MYH3: variants seen among roughly 807,000 people sequenced by gnomAD.
The protein encoded by MYH3 is myosin heavy chain 3, also known as myosin-3.
A neutral mutation model predicts 238.0 loss-of-function variants in MYH3; 130 were observed. That is an observed-to-expected ratio of 0.55 (90% CI 0.47 to 0.63). The LOEUF (loss-of-function observed/expected upper bound fraction) is 0.63, where lower values mean the gene tolerates loss of function less well. Among genes scored for constraint, MYH3 ranks in the 30% least tolerant of loss-of-function variants. The pLI, the probability that MYH3 is intolerant of heterozygous loss-of-function variation, is 0.00. For missense variants in MYH3, 1,853 were observed against 2,374.9 expected (o/e 0.78, Z 4.57); for synonymous variants, 880 against 924.1 (o/e 0.95, Z 0.86).
At chr17:10,666,151 G>C in the MYH3 span, among the ~76,000 whole-genome samples, 2 of 152,094 alleles carry the variant, frequency 1.3e-5, no homozygotes, top group Non-Finnish European at 2.9e-5. Flanking sequence ...CACTAAACTA[G>C]ATCATGGTAG....
intron 7 of MYH3, 28 bp from the exon 8 acceptor site, chr17:10,648,677 G>A (rs2074346143): frequency 1.3e-6 from 2 of 1,542,852 alleles, no homozygotes; most frequent in Middle Eastern, 1.7e-4. Context: ...GGGAAGAAGA[G>A]GAAACATTTT....
At chr17:10,648,434 C>T (rs2074344228) in intron 8 of MYH3, 123 bp downstream of exon 8, 1 of 843,420 alleles carries the variant, frequency 1.2e-6, no homozygotes, top group East Asian at 2.5e-5. Context: ...CTGAAATGGT[C>T]TTGTTGGGTT....
intron 19 of MYH3, 66 bp downstream of exon 19, chr17:10,641,019 C>T: frequency 8.0e-7 from 1 of 1,250,142 alleles, no homozygotes; most frequent in Non-Finnish European, 1.2e-6. Context: ...ACGAATCTTT[C>T]TCCCTCTCAA....
the MYH3 span, chr17:10,673,107 G>A: frequency 0.43 from 64,671 of 151,086 alleles, 14,017 homozygotes; most frequent in Middle Eastern, 0.43. Context: ...GGGTTCAAGC[G>A]ATTCTCCTGC....
At position 10,632,007 on chromosome 17, in the gene MYH3, G is replaced by A; in HGVS notation, c.4966C>T (p.Leu1656Phe). 6.2e-7 allele frequency: 1 copy of A among 1,613,464 alleles called. No homozygotes were observed. ...SVQGQLKDTQLHLDDALRGQE... is the reference protein window; with the variant it reads ...SVQGQLKDTQFHLDDALRGQE... The stretch of plus-strand genomic sequence containing the variant: ...CCCCGGAGGGCATCATCCAGGTGGA[G>A]CTGCGTATCCTAGCCAGAGAAAAAC... The change falls in exon 35 of 41, where the codon CTC becomes TTC. Residue 1656 changes from leucine (L) to phenylalanine (F), a missense_variant. Around this residue, in one of 3 missense-constraint regions of MYH3, gnomAD observed 1,044 missense variants for 1,192.6 expected, o/e 0.88. Coordinates refer to ENST00000583535, the MANE Select transcript of MYH3 (RefSeq NM_002470.4).
At position 10,628,613 on chromosome 17, in the gene MYH3, A is replaced by C; in HGVS notation, c.*40T>G. 2 of 1,602,710 alleles carry C rather than the reference A, an allele frequency of 1.2e-6. No individual in the cohort carries two copies. Among genetic ancestry groups the C allele is most frequent in the Non-Finnish European group, 1.7e-6 (2 of 1,169,540 alleles). ...CAATGGTCAGGAATCAAGAAAATAT[A>C]CATTTTGCATATCTTCTGTCCTGCT... On this transcript the variant is annotated 3_prime_UTR_variant, in exon 41 of 41. Coordinates refer to ENST00000583535, the MANE Select transcript of MYH3 (RefSeq NM_002470.4).
intron 19 of MYH3, 38 bp from the exon 20 acceptor site, chr17:10,640,724 C>T: frequency 6.2e-7 from 1 of 1,608,396 alleles, no homozygotes; most frequent in Middle Eastern, 1.8e-4. Flanking sequence ...AGACTGTTGG[C>T]AAAGACACAA....
chr17:10,667,672 ACT>A, the MYH3 span, among the ~76,000 whole-genome samples: 2 of 137,598 alleles, frequency 1.5e-5, no homozygotes, highest in Non-Finnish European at 3.0e-5. Flanking sequence ...ACAGAGCAAG[ACT>A]CTGTCTAAAA....
intron 8 of MYH3, among the ~76,000 whole-genome samples, 191 bp downstream of exon 8, chr17:10,648,366 C>T (rs1479663940): frequency 6.6e-6 from 1 of 152,202 alleles, no homozygotes; most frequent in East Asian, 1.9e-4. Context: ...GCAAGCCTGG[C>T]CCCCAGTTCC....
upstream of MYH3, among the ~76,000 whole-genome samples, chr17:10,659,250 T>C (rs867775506): frequency 1.3e-4 from 20 of 152,230 alleles, no homozygotes; most frequent in African/African-American, 3.6e-4. Flanking sequence ...ACATTTCTTT[T>C]AGTTCCCTTA....
At chr17:10,656,537 CAAAAAA>C (rs71139057) in intron 1 of MYH3, among the ~76,000 whole-genome samples, 15 of 55,894 alleles carry the variant, frequency 2.7e-4, no homozygotes, top group South Asian at 5.1e-4. Flanking sequence ...AATTCTGTCT[CAAAAAA>C]AAAAAAAAAA....
intron 14 of MYH3, 113 bp downstream of exon 14, chr17:10,644,238 G>T: frequency 8.8e-7 from 1 of 1,141,958 alleles, no homozygotes; most frequent in Non-Finnish European, 1.3e-6. Flanking sequence ...TCTCCATCTA[G>T]TTTCTTACAG....
chr17:10,659,819 G>T (rs185098925), upstream of MYH3, among the ~76,000 whole-genome samples: 1 of 152,198 alleles, frequency 6.6e-6, no homozygotes, highest in Non-Finnish European at 1.5e-5. Context: ...TGCTGGAAGC[G>T]GTGAGAAGAG....
intron 36 of MYH3, among the ~76,000 whole-genome samples, chr17:10,630,741 C>T (rs2074148206): frequency 6.6e-6 from 1 of 152,106 alleles, no homozygotes; most frequent in Non-Finnish European, 1.5e-5. Flanking sequence ...TTCCCAGCTA[C>T]TCCGGAGGCT....
chr17:10,644,606 G>A lies in MYH3; in HGVS notation c.1238C>T (p.Thr413Ile). Reference sequence around the variant, plus strand: ...TACCTGATCCACAGTTTGACCTTTGGTAACGTACTCATTCCCAACTTTCAC... The same window carrying A: ...TACCTGATCCACAGTTTGACCTTTGATAACGTACTCATTCCCAACTTTCAC... The part of the protein sequence containing the change: ...PRVKVGNEYV[T>I]KGQTVDQVHH... The change falls in exon 13 of 41, where the codon ACC becomes ATC. Residue 413 changes from threonine to isoleucine, a missense_variant. Thr to Ile is a moderately conservative substitution (Grantham distance 89). This residue lies in a region of MYH3 where 678 missense variants were observed against 1,058.9 expected (regional missense o/e 0.64). Transcript: ENST00000583535. The A allele has an allele frequency of 6.2e-7, 1 of 1,614,152 alleles. No homozygotes were observed. Among genetic ancestry groups the A allele is most frequent in the Non-Finnish European group, 8.5e-7 (1 of 1,179,994 alleles).
At position 10,655,374 on chromosome 17, in the gene MYH3, C is replaced by A. The variant is rs1404041523; in HGVS notation, c.-8-302G>T. 5.3e-5 allele frequency among the ~76,000 whole-genome samples: 8 copies of A among 152,196 alleles called. No individual in the cohort carries two copies. In the East Asian group the frequency reaches 1.5e-3, roughly 29 times the overall value. Reference sequence around the variant, plus strand: ...GCGATAAGGGGTTTGGAAGTGAGCACCACTCTTGGGACCGCCTTTTCCGCT... The same window carrying A: ...GCGATAAGGGGTTTGGAAGTGAGCAACACTCTTGGGACCGCCTTTTCCGCT... On this transcript the variant is annotated intron_variant, in intron 2 of 40. Coordinates refer to ENST00000583535, the MANE Select transcript of MYH3 (RefSeq NM_002470.4).
chr17:10,637,607 T>G, intron 28 of MYH3, among the ~76,000 whole-genome samples: 1 of 152,188 alleles, frequency 6.6e-6, no homozygotes, highest in East Asian at 1.9e-4. Flanking sequence ...CTTTCTCTCT[T>G]ATTCTTACTG....
intron 34 of MYH3, 146 bp downstream of exon 34, chr17:10,632,330 G>A: frequency 2.1e-6 from 2 of 968,978 alleles, no homozygotes; most frequent in Non-Finnish European, 3.2e-6. Context: ...TATTGCCCAG[G>A]CTGGTATCAA....
rs140144159 is a variant in MYH3 at position 10,642,424 on chromosome 17, C to T, written c.1881G>A (p.Thr627=). 131 of 1,614,148 alleles carry T rather than the reference C, an allele frequency of 8.1e-5. 1 individual carries two copies. The African/African-American group carries it at 1.0e-3, about 12-fold the overall frequency. The part of the protein sequence containing the change: ...LLAHLYATFA[T]ADADSGKKKV... ...ACAAAGCACTCCTCTTACCATCCGCCGTGGCAAACGTGGCATAGAGGTGTG... is the reference window on the plus strand; with the variant it reads ...ACAAAGCACTCCTCTTACCATCCGCTGTGGCAAACGTGGCATAGAGGTGTG... The change falls in exon 16 of 41, where the codon ACG becomes ACA. Residue 627 remains threonine (T), a synonymous_variant. Coordinates refer to ENST00000583535, the MANE Select transcript of MYH3 (RefSeq NM_002470.4). The surrounding 1 kb of genome is among the most constrained non-coding windows in gnomAD (Gnocchi z 5.4).
Sources: gnomAD v4.1 joint callset for allele counts (sites outside exome capture counted in the v4.1 genomes callset) on GRCh38, gnomAD v4.1.1 for gene constraint, gnomAD v4.1.1 regional missense constraint, Gnocchi (gnomAD v3.1) non-coding constraint, MANE v1.5 for transcripts, NCBI Gene and HGNC (gene_info 2026-07-23, HGNC 2026-07-21) for gene names.